Variants in P4HA3 observed in about 807,000 individuals in gnomAD.
P4HA3 encodes prolyl 4-hydroxylase subunit alpha-3.
P4HA3 carries 60 observed loss-of-function variants against 66.7 expected under a neutral mutation model. The observed-to-expected ratio is 0.90, with a 90% confidence interval of 0.73 to 1.12. The LOEUF (loss-of-function observed/expected upper bound fraction) is 1.12. Ranked by LOEUF, P4HA3 falls within the 50% of genes most tolerant of loss-of-function variation. P4HA3 has a pLI of 0.00. For missense variants in P4HA3, 683 were observed against 685.8 expected, an observed-to-expected ratio of 1.00 and a Z score of 0.05; for synonymous variants, 263 against 274.6, an observed-to-expected ratio of 0.96 and a Z score of 0.42.
downstream of P4HA3, among the ~76,000 whole-genome samples, chr11:74,266,174 G>T (rs1445023915): frequency 9.2e-5 from 14 of 152,040 alleles, no homozygotes; most frequent in Non-Finnish European, 4.4e-5. Context: ...TCCAGCTTCT[G>T]GAACGTAGCC....
chr11:74,266,171 T>G (rs554550059), downstream of P4HA3, among the ~76,000 whole-genome samples: 1 of 152,212 alleles, frequency 6.6e-6, no homozygotes, highest in East Asian at 1.9e-4. Context: ...AATTCCAGCT[T>G]CTGGAACGTA....
At chr11:74,269,586 G>A (rs898600469) in intron 11 of P4HA3, 66 bp downstream of exon 11, 4 of 1,491,348 alleles carry the variant, frequency 2.7e-6, no homozygotes, top group South Asian at 2.5e-5. Flanking sequence ...CACAGACAGC[G>A]TGAAGGTTAG....
chr11:74,274,812 G>A (rs1283368577), intron 9 of P4HA3, among the ~76,000 whole-genome samples: 1 of 152,144 alleles, frequency 6.6e-6, no homozygotes, highest in Admixed American at 6.5e-5. Context: ...CACTAGCAGT[G>A]TATGAGAGCT....
intron 1 of P4HA3, 28 bp downstream of exon 1, chr11:74,311,384 C>T (rs7944333): frequency 0.35 from 508,077 of 1,471,454 alleles, 89,563 homozygotes; most frequent in Non-Finnish European, 0.36. Context: ...TGAGGCCCCT[C>T]GGTCGCTCCC....
chr11:74,292,893 G>C (rs1314635741), intron 4 of P4HA3, among the ~76,000 whole-genome samples: 2 of 152,150 alleles, frequency 1.3e-5, no homozygotes, highest in Non-Finnish European at 2.9e-5. Flanking sequence ...GAGTAGGTAT[G>C]GTGTGGTGCT....
rs1861746656 is a variant in P4HA3 at position 74,311,471 on chromosome 11, C to A, written c.141G>T (p.Leu47=). 2 of 1,536,128 alleles carry A rather than the reference C, an allele frequency of 1.3e-6. No homozygotes were observed. The highest frequency in any genetic ancestry group is 2.0e-5 in the Admixed American group (1 of 51,224). ...GCAGGTACCGCCTCAGCAGCCCCAG[C>A]AGCCGGCGCTCGGGCGCCAGGGCGC... ...VARALAPERR[L]LGLLRRYLRG... is the part of the protein sequence containing the mutation. Residue 47 remains leucine, a synonymous_variant, in exon 1 of 13, where the codon CTG becomes CTT. Coordinates refer to ENST00000331597, the MANE Select transcript of P4HA3 (RefSeq NM_182904.5).
intron 15 of P4HA3, among the ~76,000 whole-genome samples, chr11:74,258,555 C>G (rs1406293901): frequency 6.6e-6 from 1 of 152,130 alleles, no homozygotes; most frequent in Non-Finnish European, 1.5e-5. Context: ...GAGGGTCTGA[C>G]AAGGAAAGTG....
intron 4 of P4HA3, among the ~76,000 whole-genome samples, chr11:74,294,717 C>A (rs1025631766): frequency 2.5e-4 from 38 of 152,182 alleles, no homozygotes; most frequent in African/African-American, 8.9e-4. Flanking sequence ...CCACTCCAGA[C>A]CCTGTTTGCC....
intron 3 of P4HA3, among the ~76,000 whole-genome samples, chr11:74,299,313 A>T (rs1444822491): frequency 6.6e-6 from 1 of 152,234 alleles, no homozygotes; most frequent in Admixed American, 6.5e-5. Flanking sequence ...GTAAAGTTAC[A>T]GACTAGGAAG....
intron 15 of P4HA3, among the ~76,000 whole-genome samples, chr11:74,258,143 T>C (rs1859857228): frequency 6.6e-6 from 1 of 152,152 alleles, no homozygotes. Flanking sequence ...AATCAACTCA[T>C]TCTCAGTCTG....
chr11:74,270,437 T>C lies in P4HA3; in HGVS notation c.1399-717A>G, dbSNP rs78929098. 7.9e-5 allele frequency among the ~76,000 whole-genome samples: 12 copies of C among 152,226 alleles called. No individual in the cohort carries two copies. The East Asian group carries it at 2.1e-3, about 27-fold the overall frequency. On this transcript the variant is annotated intron_variant, in intron 10 of 12. Transcript: ENST00000331597. ...TAATGTGAAGCTTTTTTTCTGGTTG[T>C]CACAGAAATATATAATAATTGTAAA...
chr11:74,303,293 T>TTC (rs1491571578), intron 2 of P4HA3, among the ~76,000 whole-genome samples: 2 of 54,124 alleles, frequency 3.7e-5, no homozygotes, highest in African/African-American at 7.9e-5. Context: ...AACAAACTTC[T>TTC]TTTTTTTTTT....
intron 4 of P4HA3, among the ~76,000 whole-genome samples, chr11:74,290,565 T>G (rs981076410): frequency 7.2e-5 from 11 of 151,808 alleles, no homozygotes; most frequent in African/African-American, 2.7e-4. Context: ...TTCTAGGGTT[T>G]TTACGGTTTT....
chr11:74,311,224 A>G (rs1005315193), intron 1 of P4HA3, 188 bp downstream of exon 1: 1 of 656,282 alleles, frequency 1.5e-6, no homozygotes, highest in African/African-American at 1.9e-5. Flanking sequence ...CTAGGGGGTC[A>G]CACTGGCCCT....
At chr11:74,288,433 A>C (rs149167367) in intron 5 of P4HA3, among the ~76,000 whole-genome samples, 120 of 152,270 alleles carry the variant, frequency 7.9e-4, no homozygotes, top group African/African-American at 2.7e-3. Flanking sequence ...CTGCTTCCAA[A>C]ATCTGGGTCT....
At chr11:74,281,038 AC>A (rs1860574515) in intron 7 of P4HA3, among the ~76,000 whole-genome samples, 1 of 152,156 alleles carries the variant, frequency 6.6e-6, no homozygotes, top group Admixed American at 6.5e-5. Flanking sequence ...CAAGAAAAAA[AC>A]AACCCCATCA....
chr11:74,271,259 T>A (rs1441598089), intron 10 of P4HA3, among the ~76,000 whole-genome samples: 1 of 152,216 alleles, frequency 6.6e-6, no homozygotes, highest in Non-Finnish European at 1.5e-5. Flanking sequence ...GGAAAGCCGA[T>A]GAGAACAACA....
intron 4 of P4HA3, among the ~76,000 whole-genome samples, chr11:74,295,336 T>C (rs535831321): frequency 3.9e-5 from 6 of 152,296 alleles, no homozygotes; most frequent in African/African-American, 9.6e-5. Flanking sequence ...GGGCTCAACA[T>C]AGTCAAAAGG....
chr11:74,256,176 T>C (rs1346397004), intron 15 of P4HA3, among the ~76,000 whole-genome samples: 7 of 152,198 alleles, frequency 4.6e-5, no homozygotes, highest in Admixed American at 4.6e-4. Flanking sequence ...AAAACTGGCT[T>C]GCTTCCACAT....
Sources: gnomAD v4.1 joint callset for allele counts (sites outside exome capture counted in the v4.1 genomes callset) on GRCh38, gnomAD v4.1.1 for gene constraint, MANE v1.5 for transcripts, NCBI Gene and HGNC (gene_info 2026-07-23, HGNC 2026-07-21) for gene names.